Variants in LHPP observed in about 807,000 individuals in gnomAD.
LHPP encodes the protein phospholysine phosphohistidine inorganic pyrophosphate phosphatase.
Under a neutral mutation model 30.3 loss-of-function variants are expected in LHPP, and 24 were observed. That is an observed-to-expected ratio of 0.79 (90% CI 0.57 to 1.11). The LOEUF is 1.11. Among genes scored for constraint, LHPP ranks in the 50% most tolerant of loss-of-function variants. The pLI is 0.00. For synonymous variants in LHPP, 150 were observed against 157.1 expected (o/e 0.95, Z 0.34); for missense variants, 356 against 367.2 (o/e 0.97, Z 0.25).
intron 4 of LHPP, 69 bp downstream of exon 4, chr10:124,497,093 T>C (rs961412841): frequency 7.2e-6 from 9 of 1,246,396 alleles, no homozygotes; most frequent in South Asian, 1.2e-5. Context: ...TGGGTCTTTG[T>C]TGAGAAGAGG....
intron 6 of LHPP, among the ~76,000 whole-genome samples, chr10:124,538,398 G>A (rs988649827): frequency 3.9e-5 from 6 of 152,310 alleles, no homozygotes; most frequent in South Asian, 4.1e-4. Context: ...TTTTTGTGAG[G>A]AAGGGAGGCT....
rs535156907 is a variant in LHPP at position 124,574,584 on chromosome 10, AC to A, written c.717-38678del. ...GGCACCTGTGCTGACCCAAGGGTCA[AC>A]CAAAGTCCTGAGTTTGGTGGCGCCG... On this transcript the variant is annotated intron_variant, in intron 6 of 6. Coordinates refer to ENST00000368842, the MANE Select transcript of LHPP (RefSeq NM_022126.4). Among the ~76,000 whole-genome samples the A allele has an allele frequency of 2.9e-3, 436 of 152,206 alleles. 2 individuals are homozygous for A. The highest frequency in any genetic ancestry group is 0.01 in the African/African-American group (419 of 41,528).
chr10:124,463,706 A>G lies in LHPP; in HGVS notation c.125+1719A>G, dbSNP rs1164440911. ...ATTTTTTTTTTTGAGACAAGGTCTC[A>G]TTATGTTGCCAGGGTGGTCTTGAAC... On this transcript the variant is annotated intron_variant, in intron 1 of 6. Transcript: ENST00000368842. 4.0e-5 allele frequency among the ~76,000 whole-genome samples: 6 copies of G among 150,868 alleles called. No individual in the cohort carries two copies. In the East Asian group the frequency reaches 1.2e-3, roughly 29 times the overall value.
At chr10:124,503,535 T>C (rs1254756869) in intron 5 of LHPP, among the ~76,000 whole-genome samples, 1 of 152,020 alleles carries the variant, frequency 6.6e-6, no homozygotes. Context: ...GTGGACGCTC[T>C]TTGAATTCAT....
chr10:124,512,148 G>A (rs1446559733), intron 5 of LHPP, among the ~76,000 whole-genome samples: 2 of 152,160 alleles, frequency 1.3e-5, no homozygotes, highest in African/African-American at 4.8e-5. Flanking sequence ...GGGACTGCAT[G>A]TGTCTGATTC....
At chr10:124,472,141 C>G (rs1046624353) in intron 1 of LHPP, among the ~76,000 whole-genome samples, 1 of 151,002 alleles carries the variant, frequency 6.6e-6, no homozygotes, top group African/African-American at 2.4e-5. Context: ...GTGAAACCCC[C>G]GTCTTTACTA....
chr10:124,484,198 C>A lies in LHPP; in HGVS notation c.185C>A (p.Ala62Glu), dbSNP rs138019469. The change falls in exon 2 of 7, where the codon GCA becomes GAA. Residue 62 changes from alanine to glutamate, a missense_variant. By Grantham distance (107) the Ala-to-Glu change is moderately radical (BLOSUM62 -1). Coordinates refer to ENST00000368842, the MANE Select transcript of LHPP (RefSeq NM_022126.4). ...ACCAACGAGTCGCAGAAGTCCCGGGCAGAGCTGGTGGGGCAGCTTCAGAGG... is the reference window on the plus strand; with the variant it reads ...ACCAACGAGTCGCAGAAGTCCCGGGAAGAGCTGGTGGGGCAGCTTCAGAGG... ...FCTNESQKSR[A>E]ELVGQLQRLG... 52 of 1,614,110 alleles carry A rather than the reference C, an allele frequency of 3.2e-5. No homozygotes were observed. The African/African-American group carries it at 6.5e-4, about 20-fold the overall frequency.
chr10:124,604,964 A>G (rs192157761), intron 6 of LHPP, among the ~76,000 whole-genome samples: 385 of 152,318 alleles, frequency 2.5e-3, no homozygotes, highest in African/African-American at 8.3e-3. Flanking sequence ...CAGGTCCCTC[A>G]AGAGCCCCTC....
intron 6 of LHPP, among the ~76,000 whole-genome samples, chr10:124,607,979 C>G (rs1277910547): frequency 2.0e-5 from 3 of 152,124 alleles, no homozygotes; most frequent in Non-Finnish European, 4.4e-5. Flanking sequence ...CTGATGCAGG[C>G]CCATGCACAC....
chr10:124,586,536 G>A (rs1350273058), intron 6 of LHPP, among the ~76,000 whole-genome samples: 1 of 152,240 alleles, frequency 6.6e-6, no homozygotes, highest in East Asian at 1.9e-4. Context: ...GGGGCCTGGG[G>A]ACACAGTGCT....
Position 124,517,568 on chromosome 10 carries a change from G to C in LHPP, c.716+297G>C, listed in dbSNP as rs1954491758. On this transcript the variant is annotated intron_variant, in intron 6 of 6. Coordinates refer to ENST00000368842, the MANE Select transcript of LHPP (RefSeq NM_022126.4). This position sits in a 1 kb window ranked among gnomAD's most constrained non-coding sequence, Gnocchi z 4.1. The stretch of plus-strand genomic sequence containing the variant: ...CTGGCGGCGGCCCACCAGGGAGTTG[G>C]GCCGAATTTGTGCTGCTGTCCCTTT... Among the ~76,000 whole-genome samples, 1 of 152,134 alleles carries C rather than the reference G, an allele frequency of 6.6e-6. No individual in the cohort carries two copies. The highest frequency in any genetic ancestry group is 1.5e-5 in the Non-Finnish European group (1 of 68,020).
Position 124,521,154 on chromosome 10 carries a change from GCT to G in LHPP, c.716+3888_716+3889del, listed in dbSNP as rs543430336. On this transcript the variant is annotated intron_variant, in intron 6 of 6. Transcript: ENST00000368842. ...CTGGATGAGTGGCTGATGGGGCCTC[GCT>G]CTCTGGAGGGCTGTTTTGGGACTGG... Among the ~76,000 whole-genome samples the G allele has an allele frequency of 4.1e-3, 629 of 152,254 alleles. 7 individuals carry two copies. The highest frequency in any genetic ancestry group is 0.01 in the Middle Eastern group (3 of 294).
rs1321934669 is a variant in LHPP at position 124,497,269 on chromosome 10, CCCCA to C, written c.531+246_531+249del. ...CCATCCTCCCCATCCTCCCCATCCT[CCCCA>C]TCCTCCCCATCCTCCCCATCCTCCA... is the stretch of plus-strand genomic sequence containing the variant. On this transcript the variant is annotated intron_variant, in intron 4 of 6. Coordinates refer to ENST00000368842, the MANE Select transcript of LHPP (RefSeq NM_022126.4). Among the ~76,000 whole-genome samples, 732 of 118,000 alleles carry C rather than the reference CCCCA, an allele frequency of 6.2e-3. 23 individuals carry two copies. Among genetic ancestry groups the C allele is most frequent in the African/African-American group, 0.02 (678 of 33,152 alleles). 77.4% of individuals were successfully genotyped at this position (118,000 alleles called of 152,430 possible). A position where few individuals can be genotyped will look rare whatever the true frequency, so the allele number is the denominator to read the frequency against.
intron 6 of LHPP, among the ~76,000 whole-genome samples, chr10:124,539,775 A>G (rs937003275): frequency 6.7e-6 from 1 of 148,956 alleles, no homozygotes; most frequent in Non-Finnish European, 1.5e-5. Flanking sequence ...GGTGGCACAC[A>G]CCTGTAGTCC....
intron 5 of LHPP, among the ~76,000 whole-genome samples, chr10:124,501,126 A>G (rs1329084067): frequency 1.3e-5 from 2 of 151,716 alleles, no homozygotes; most frequent in East Asian, 3.9e-4. Flanking sequence ...TGGTAGCATT[A>G]TGCTAAGTGA....
At chr10:124,546,369 C>T (rs1424836622) in intron 6 of LHPP, among the ~76,000 whole-genome samples, 1 of 152,216 alleles carries the variant, frequency 6.6e-6, no homozygotes, top group African/African-American at 2.4e-5. Context: ...AAAGAAGACA[C>T]TGAATGATCT....
At chr10:124,525,173 GCTGTGGCTTGTTCATCGTGTCCT>G (rs1031555063) in intron 6 of LHPP, among the ~76,000 whole-genome samples, 1 of 152,184 alleles carries the variant, frequency 6.6e-6, no homozygotes, top group African/African-American at 2.4e-5. Flanking sequence ...GTACCGTTGA[GCTGTGGCTTGTTCATCGTGTCCT>G]CTGTGGCTCC....
intron 6 of LHPP, among the ~76,000 whole-genome samples, chr10:124,574,211 C>T (rs1422461892): frequency 6.6e-6 from 1 of 152,226 alleles, no homozygotes; most frequent in African/African-American, 2.4e-5. Flanking sequence ...AACAGTAAGT[C>T]GTTTTTGACA....
chr10:124,529,229 G>A (rs1056174510), intron 6 of LHPP, among the ~76,000 whole-genome samples: 3 of 151,866 alleles, frequency 2.0e-5, no homozygotes, highest in African/African-American at 7.3e-5. Flanking sequence ...TAGAGACGGG[G>A]TTTCACTGTG....
Sources: gnomAD v4.1 joint callset for allele counts (sites outside exome capture counted in the v4.1 genomes callset) on GRCh38, gnomAD v4.1.1 for gene constraint, Gnocchi (gnomAD v3.1) non-coding constraint, MANE v1.5 for transcripts, NCBI Gene and HGNC (gene_info 2026-07-23, HGNC 2026-07-21) for gene names.